The following CEP85L variants were observed in gnomAD, a reference collection of about 807,000 sequenced individuals.
CEP85L encodes centrosomal protein of 85 kDa-like.
In CEP85L, 60 loss-of-function variants were observed where a neutral mutation model predicts 100.3. The ratio of observed to expected loss-of-function variants is 0.60; its 90% confidence interval spans 0.49 to 0.74. The LOEUF (loss-of-function observed/expected upper bound fraction) is 0.74, where lower values mean the gene tolerates loss of function less well. Ranked by LOEUF, CEP85L falls within the 30% of genes least tolerant of loss-of-function variation. The pLI, the probability that CEP85L is intolerant of heterozygous loss-of-function variation, is 0.00. For synonymous variants in CEP85L, 319 were observed against 322.7 expected, an observed-to-expected ratio of 0.99 and a Z score of 0.12; for missense variants, 973 against 936.2, an observed-to-expected ratio of 1.04 and a Z score of -0.51.
intron 4 of CEP85L, among the ~76,000 whole-genome samples, chr6:118,523,240 C>A (rs1176618119): frequency 6.6e-6 from 1 of 152,132 alleles, no homozygotes; most frequent in Non-Finnish European, 1.5e-5. Context: ...AGGTTTACTG[C>A]TCACAATACT....
intron 1 of CEP85L, among the ~76,000 whole-genome samples, chr6:118,638,772 C>T (rs1261303065): frequency 6.6e-6 from 1 of 151,474 alleles, no homozygotes; most frequent in African/African-American, 2.4e-5. Context: ...ATACTGAGTG[C>T]CTGCGGATAA....
chr6:118,565,235 T>G (rs556097522), intron 3 of CEP85L: 1 of 352,432 alleles, frequency 2.8e-6, no homozygotes, highest in Non-Finnish European at 5.2e-6. Context: ...TTTGTTTCTG[T>G]TTCCAAGTTT....
At chr6:118,646,443 C>A (rs959680531) in intron 1 of CEP85L, among the ~76,000 whole-genome samples, 7 of 151,766 alleles carry the variant, frequency 4.6e-5, no homozygotes, top group Non-Finnish European at 7.4e-5. Flanking sequence ...CCAAGGCAGG[C>A]GGATCACTTG....
intron 2 of CEP85L, among the ~76,000 whole-genome samples, chr6:118,571,270 ACTAT>A (rs1249479929): frequency 6.6e-6 from 1 of 152,222 alleles, no homozygotes; most frequent in Non-Finnish European, 1.5e-5. Flanking sequence ...GCAAGTTATT[ACTAT>A]CTATCCCACA....
chr6:118,525,665 A>C (rs1776922528), intron 3 of CEP85L, among the ~76,000 whole-genome samples: 1 of 152,222 alleles, frequency 6.6e-6, no homozygotes, highest in Non-Finnish European at 1.5e-5. Flanking sequence ...ACAGTCATCC[A>C]AAGGAACCAA....
intron 7 of CEP85L, 127 bp downstream of exon 7, chr6:118,483,579 C>G (rs1773953104): frequency 1.3e-6 from 1 of 771,996 alleles, no homozygotes; most frequent in Non-Finnish European, 2.1e-6. Context: ...AACAAAGTTT[C>G]TTATTAGAAT....
intron 1 of CEP85L, chr6:118,647,090 T>A (rs370368070): frequency 4.1e-6 from 4 of 984,564 alleles, no homozygotes; most frequent in Non-Finnish European, 1.2e-6. Context: ...TTATGTTTCA[T>A]TGTTACCACA....
rs924248287 is a variant in CEP85L at position 118,464,657 on chromosome 6, A to G, written c.*748T>C. The G allele has an allele frequency of 6.6e-6, 1 of 152,058 alleles. No individual in the cohort carries two copies. The highest frequency in any genetic ancestry group is 2.4e-5 in the African/African-American group (1 of 41,440). The allele number at this position is 152,058 out of a possible 1,614,324, so 9.4% of individuals were successfully genotyped here. Reference sequence around the variant, plus strand: ...GTAAGGAACATGTTAAAATTAGTTCAAGTTATGTTAACCTTTCTTGTAACA... The same window carrying G: ...GTAAGGAACATGTTAAAATTAGTTCGAGTTATGTTAACCTTTCTTGTAACA... On this transcript the variant is annotated 3_prime_UTR_variant, in exon 13 of 13. Transcript: ENST00000368491.
rs1172879633 is a variant in CEP85L, at chr6:118,467,598, G to GT, written c.2254+1473dup. On this transcript the variant is annotated intron_variant, in intron 12 of 12. Coordinates refer to ENST00000368491, the MANE Select transcript of CEP85L (RefSeq NM_001042475.3). ...GAAGGAGTATTGGGAGGTGGGCGTG[G>GT]TAAGATTCACATTAGGATAGCTCTA... Among the ~76,000 whole-genome samples, 5 of 152,256 alleles carry GT rather than the reference G, an allele frequency of 3.3e-5. No homozygotes were observed. In the East Asian group the frequency reaches 9.7e-4, roughly 29 times the overall value.
chr6:118,624,309 G>A (rs148510920), intron 2 of CEP85L, among the ~76,000 whole-genome samples: 174 of 152,134 alleles, frequency 1.1e-3, no homozygotes, highest in African/African-American at 3.4e-3. Context: ...CTTTGCAGTA[G>A]GATTATATAC....
chr6:118,647,697 G>C (rs781446180), intron 1 of CEP85L, among the ~76,000 whole-genome samples: 1 of 152,092 alleles, frequency 6.6e-6, no homozygotes, highest in Non-Finnish European at 1.5e-5. Context: ...TTACGAAAAG[G>C]AACATACTTA....
At chr6:118,676,845 C>G (rs373052713) in intron 1 of CEP85L, among the ~76,000 whole-genome samples, 8 of 152,056 alleles carry the variant, frequency 5.3e-5, no homozygotes, top group Admixed American at 2.6e-4. Flanking sequence ...CCTTGTCAAC[C>G]CTTGTTATCT....
At chr6:118,557,383 C>T (rs909087951) in intron 3 of CEP85L, among the ~76,000 whole-genome samples, 1 of 152,046 alleles carries the variant, frequency 6.6e-6, no homozygotes, top group Admixed American at 6.5e-5. Flanking sequence ...AAAGAATAAC[C>T]CAAAACAAGC....
At chr6:118,591,104 T>TG (rs1781165950) in intron 2 of CEP85L, among the ~76,000 whole-genome samples, 1 of 152,148 alleles carries the variant, frequency 6.6e-6, no homozygotes, top group Non-Finnish European at 1.5e-5. Flanking sequence ...AATGAATGAA[T>TG]GAATGATATA....
chr6:118,660,409 G>T (rs559855441), intron 1 of CEP85L, among the ~76,000 whole-genome samples: 1 of 152,358 alleles, frequency 6.6e-6, no homozygotes, highest in South Asian at 2.1e-4. Flanking sequence ...TACTGCTGCA[G>T]TCAGGAGCTG....
upstream of CEP85L, chr6:118,652,285 T>C (rs1443632696): frequency 1.9e-6 from 1 of 528,598 alleles, no homozygotes. Flanking sequence ...TGCCCCCTAC[T>C]CCTTCACGTT....
intron 2 of CEP85L, among the ~76,000 whole-genome samples, chr6:118,567,209 ATGTGTGTGTGTGTGTGTG>A (rs68047463): frequency 6.8e-4 from 61 of 89,652 alleles, no homozygotes; most frequent in African/African-American, 1.8e-3. Context: ...ATATATATGT[ATGTGTGTGTGTGTGTGTG>A]TGTGTGTGTG....
intron 2 of CEP85L, among the ~76,000 whole-genome samples, chr6:118,598,385 C>G (rs1163048564): frequency 1.3e-5 from 2 of 152,134 alleles, no homozygotes; most frequent in Admixed American, 6.5e-5. Context: ...ATTTTAACCC[C>G]TAGAAGCTGT....
At chr6:118,615,477 T>C (rs1442985503) in intron 2 of CEP85L, among the ~76,000 whole-genome samples, 1 of 150,482 alleles carries the variant, frequency 6.6e-6, no homozygotes, top group Non-Finnish European at 1.5e-5. Context: ...CACTGTGCAA[T>C]AAGGATTAAT....
Sources: allele counts gnomAD v4.1 joint callset (sites outside exome capture counted in the v4.1 genomes callset), GRCh38; gene constraint gnomAD v4.1.1; transcripts MANE v1.5; gene names NCBI Gene and HGNC (gene_info 2026-07-23, HGNC 2026-07-21).